Variants in GLIS3 observed in about 807,000 individuals in gnomAD.
GLIS3 encodes the protein GLIS family zinc finger 3.
A neutral mutation model predicts 78.6 loss-of-function variants in GLIS3; 53 were observed. The observed-to-expected ratio is 0.67, with a 90% CI of 0.54 to 0.85. GLIS3 has a LOEUF of 0.85. Among genes scored for constraint, GLIS3 ranks in the 40% least tolerant of loss-of-function variants. The pLI is 0.00. For missense variants in GLIS3, 1,703 were observed against 1,231.1 expected, an observed-to-expected ratio of 1.38 and a Z score of -5.74; for synonymous variants, 684 against 509.9, an observed-to-expected ratio of 1.34 and a Z score of -4.60.
At chr9:4,395,753 C>A in the GLIS3 span, among the ~76,000 whole-genome samples, 1 of 151,096 alleles carries the variant, frequency 6.6e-6, no homozygotes, top group Non-Finnish European at 1.5e-5. Context: ...AATAATTGGT[C>A]ACCATTTTCT....
intron 2 of GLIS3, among the ~76,000 whole-genome samples, chr9:4,327,674 A>T (rs1012843604): frequency 6.6e-6 from 1 of 152,224 alleles, no homozygotes; most frequent in Admixed American, 6.5e-5. Context: ...CCACCACATC[A>T]CACAACTCCA....
intron 9 of GLIS3, among the ~76,000 whole-genome samples, chr9:3,839,392 T>G (rs1015523934): frequency 2.6e-5 from 4 of 151,906 alleles, no homozygotes; most frequent in African/African-American, 7.2e-5. Flanking sequence ...TACTGGCGGG[T>G]TCCTTGCTTT....
chr9:4,059,632 T>C (rs1826454979), intron 4 of GLIS3, among the ~76,000 whole-genome samples: 1 of 152,194 alleles, frequency 6.6e-6, no homozygotes, highest in Non-Finnish European at 1.5e-5. Context: ...TGGTTGGAGA[T>C]CCTTATTATT....
chr9:4,005,381 A>C (rs16920330), intron 4 of GLIS3, among the ~76,000 whole-genome samples: 1 of 152,162 alleles, frequency 6.6e-6, no homozygotes, highest in Non-Finnish European at 1.5e-5. Context: ...ATATACATAC[A>C]TCATGCACAC....
intron 4 of GLIS3, among the ~76,000 whole-genome samples, chr9:4,069,224 T>C (rs537502343): frequency 6.6e-6 from 1 of 152,298 alleles, no homozygotes; most frequent in Non-Finnish European, 1.5e-5. Flanking sequence ...GGGGAATTAA[T>C]TGGCTACTTT....
At chr9:3,929,553 A>G (rs1825487240) in intron 6 of GLIS3, among the ~76,000 whole-genome samples, 1 of 152,174 alleles carries the variant, frequency 6.6e-6, no homozygotes. Context: ...AGTAGGACTC[A>G]TAAAACTGGC....
intron 4 of GLIS3, among the ~76,000 whole-genome samples, chr9:3,962,090 C>A (rs1319586283): frequency 2.6e-5 from 4 of 151,948 alleles, no homozygotes; most frequent in African/African-American, 9.7e-5. Context: ...TGTGGTGGTG[C>A]ACACCTGTAG....
Position 4,267,871 on chromosome 9 carries a change from T to C in GLIS3, c.388+18167A>G, listed in dbSNP as rs112922908. Among the ~76,000 whole-genome samples, 732 of 152,218 alleles carry C rather than the reference T, an allele frequency of 4.8e-3. 4 individuals carry two copies. Among genetic ancestry groups the C allele is most frequent in the African/African-American group, 0.017 (699 of 41,532 alleles). ...GACAACGTTTCTACTAGGTACATCA[T>C]TGCTAAAGAAATAAATAGATTTGCT... On this transcript the variant is annotated intron_variant, in intron 2 of 10. Transcript: ENST00000381971.
chr9:4,148,903 C>T (rs1834445469), intron 2 of GLIS3, among the ~76,000 whole-genome samples: 1 of 152,172 alleles, frequency 6.6e-6, no homozygotes, highest in African/African-American at 2.4e-5. Flanking sequence ...CACAGGCTGA[C>T]TCCACACCTC....
chr9:3,898,595 C>G (rs1325424643), intron 7 of GLIS3, 96 bp downstream of exon 7: 2 of 1,475,416 alleles, frequency 1.4e-6, no homozygotes, highest in Non-Finnish European at 1.9e-6. Context: ...CACAGACGAT[C>G]TTAGGAAAAT....
chr9:4,040,272 T>C (rs1023959964), intron 4 of GLIS3, among the ~76,000 whole-genome samples: 1 of 151,210 alleles, frequency 6.6e-6, no homozygotes, highest in African/African-American at 2.4e-5. Flanking sequence ...TACAAAACAT[T>C]TTACTTCACA....
At chr9:4,121,646 CA>C (rs1832192646) in intron 3 of GLIS3, among the ~76,000 whole-genome samples, 3 of 151,928 alleles carry the variant, frequency 2.0e-5, no homozygotes, top group African/African-American at 7.3e-5. Flanking sequence ...CACACACACA[CA>C]CACACACACA....
At chr9:4,007,691 T>A (rs542100978) in intron 4 of GLIS3, among the ~76,000 whole-genome samples, 2 of 152,088 alleles carry the variant, frequency 1.3e-5, no homozygotes, top group African/African-American at 2.4e-5. Context: ...TGGGCACACA[T>A]ACACACATAA....
chr9:3,890,455 G>C (rs939572908), intron 7 of GLIS3, among the ~76,000 whole-genome samples: 4 of 152,060 alleles, frequency 2.6e-5, no homozygotes, highest in African/African-American at 9.7e-5. Flanking sequence ...CACTGCCACA[G>C]ACATTGACTT....
chr9:4,476,075 T>C, the GLIS3 span, among the ~76,000 whole-genome samples: 12 of 152,096 alleles, frequency 7.9e-5, no homozygotes, highest in Admixed American at 2.0e-4. Context: ...TAGTTTTGAG[T>C]GAACTATGTA....
At chr9:4,025,428 G>C (rs913958952) in intron 4 of GLIS3, among the ~76,000 whole-genome samples, 1 of 152,008 alleles carries the variant, frequency 6.6e-6, no homozygotes, top group Non-Finnish European at 1.5e-5. Context: ...TCCCTCTGTG[G>C]CCAGGCTGGA....
chr9:3,929,668 A>G (rs993163554), intron 6 of GLIS3, among the ~76,000 whole-genome samples: 2 of 152,202 alleles, frequency 1.3e-5, no homozygotes, highest in African/African-American at 4.8e-5. Flanking sequence ...CATGACTAAC[A>G]GGGTGTGACA....
chr9:4,193,970 A>G (rs946645989), intron 2 of GLIS3, among the ~76,000 whole-genome samples: 5 of 152,242 alleles, frequency 3.3e-5, no homozygotes, highest in African/African-American at 1.2e-4. Context: ...AGTAACGGCA[A>G]CATCTTTACC....
At chr9:4,120,005 G>A (rs888938348) in intron 3 of GLIS3, among the ~76,000 whole-genome samples, 8 of 152,196 alleles carry the variant, frequency 5.3e-5, no homozygotes, top group African/African-American at 1.7e-4. Flanking sequence ...TGTATCAGAA[G>A]AACCTGGCTT....
Sources: gnomAD v4.1 joint callset for allele counts (sites outside exome capture counted in the v4.1 genomes callset) on GRCh38, gnomAD v4.1.1 for gene constraint, MANE v1.5 for transcripts, NCBI Gene and HGNC (gene_info 2026-07-23, HGNC 2026-07-21) for gene names.